Variants in RAD54L2 observed in about 807,000 individuals in gnomAD.
RAD54L2 encodes the protein helicase ARIP4.
Under a neutral mutation model 138.4 loss-of-function variants are expected in RAD54L2, and 27 were observed. The ratio of observed to expected loss-of-function variants is 0.20; its 90% CI spans 0.14 to 0.27. The LOEUF is 0.27. Among genes scored for constraint, RAD54L2 ranks in the 10% least tolerant of loss-of-function variants. The pLI, the probability that RAD54L2 is intolerant of heterozygous loss-of-function variation, is 1.00. For synonymous variants in RAD54L2, 644 were observed against 723.2 expected, an observed-to-expected ratio of 0.89 and a Z score of 1.76; for missense variants, 1,396 against 1,890.2, an observed-to-expected ratio of 0.74 and a Z score of 4.85.
Position 51,657,647 on chromosome 3 carries a change from C to A in RAD54L2, c.3294C>A (p.Ile1098=). 1 of 1,576,892 alleles carries A rather than the reference C, an allele frequency of 6.3e-7. No individual in the cohort carries two copies. Among genetic ancestry groups the A allele is most frequent in the South Asian group, 1.2e-5 (1 of 86,118 alleles). The change falls in exon 21 of 23, where the codon ATC becomes ATA. Residue 1098 remains isoleucine (I), a synonymous_variant. Coordinates refer to ENST00000684192, the MANE Select transcript of RAD54L2 (RefSeq NM_015106.4). ...VQARINAGES[I]HIIRGTKGTY... is the part of the protein sequence containing the mutation. Reference sequence around the variant, plus strand: ...CAAGAATTAATGCTGGTGAGAGCATCCACATCATCCGTGGGACAAAAGGTA... The same window carrying A: ...CAAGAATTAATGCTGGTGAGAGCATACACATCATCCGTGGGACAAAAGGTA...
At chr3:51,586,006 A>G (rs1559626005) in intron 2 of RAD54L2, among the ~76,000 whole-genome samples, 1 of 151,690 alleles carries the variant, frequency 6.6e-6, no homozygotes, top group Non-Finnish European at 1.5e-5. Context: ...TATTTTCTTT[A>G]TCACCACCCC....
chr3:51,567,005 C>G (rs766948293), intron 2 of RAD54L2, among the ~76,000 whole-genome samples: 19 of 152,152 alleles, frequency 1.2e-4, no homozygotes, highest in Non-Finnish European at 2.6e-4. Flanking sequence ...TTTACTCTTT[C>G]ATGAGATTGT....
intron 3 of RAD54L2, among the ~76,000 whole-genome samples, chr3:51,593,301 C>A (rs1699878784): frequency 6.6e-6 from 1 of 151,428 alleles, no homozygotes; most frequent in Non-Finnish European, 1.5e-5. Flanking sequence ...GAAACCATTT[C>A]ACAAAAGAAA....
intron 19 of RAD54L2, among the ~76,000 whole-genome samples, chr3:51,647,956 T>C (rs1418108133): frequency 6.6e-6 from 1 of 152,124 alleles, no homozygotes; most frequent in Non-Finnish European, 1.5e-5. Context: ...AGACAATGGG[T>C]GCAGCCCACA....
chr3:51,637,545 G>T lies in RAD54L2; in HGVS notation c.1682+42G>T. ...GTCCTGCTTCCTGAATTTTCAGAGG[G>T]CCCTGTTGCCAAGGGCATGCCAAAC... On this transcript the variant is annotated intron_variant, in intron 11 of 22. Transcript: ENST00000684192. This position sits in a 1 kb window ranked among gnomAD's most constrained non-coding sequence, Gnocchi z 5.9. 1 of 1,557,980 alleles carries T rather than the reference G, an allele frequency of 6.4e-7. No homozygotes were observed. Among genetic ancestry groups the T allele is most frequent in the Non-Finnish European group, 8.7e-7 (1 of 1,147,338 alleles).
At chr3:51,613,233 G>A (rs188077610) in intron 3 of RAD54L2, among the ~76,000 whole-genome samples, 162 of 151,892 alleles carry the variant, frequency 1.1e-3, no homozygotes, top group African/African-American at 3.8e-3. Context: ...CACCACGCCC[G>A]GCCCCACGCA....
intron 3 of RAD54L2, among the ~76,000 whole-genome samples, chr3:51,626,664 C>T (rs967928777): frequency 6.6e-6 from 1 of 151,448 alleles, no homozygotes; most frequent in Non-Finnish European, 1.5e-5. Flanking sequence ...AGGCTGGTCT[C>T]GAACTCCTGA....
At chr3:51,617,740 G>A (rs773112744) in intron 3 of RAD54L2, among the ~76,000 whole-genome samples, 2 of 152,126 alleles carry the variant, frequency 1.3e-5, no homozygotes, top group African/African-American at 4.8e-5. Flanking sequence ...GCCAGGTGTG[G>A]TAGTGCTTGC....
At chr3:51,545,624 A>C (rs1666269935) in intron 2 of RAD54L2, among the ~76,000 whole-genome samples, 1 of 151,912 alleles carries the variant, frequency 6.6e-6, no homozygotes, top group Admixed American at 6.6e-5. Context: ...CACCCATGCT[A>C]GAGTAAGTAC....
chr3:51,626,348 A>G (rs1700681763), intron 3 of RAD54L2, among the ~76,000 whole-genome samples: 1 of 149,716 alleles, frequency 6.7e-6, no homozygotes, highest in Admixed American at 6.7e-5. Context: ...GGCTGAGGAC[A>G]GGGGTATGCA....
In RAD54L2 at chr3:51,668,068, T is replaced by TGTGTGTGTGTGTGTGTGA. The variant is rs1490078234; in HGVS notation, c.*4665_*4682dup. ...CCTGGAAGAGAGCTCAGCCCAGCTG[T>TGTGTGTGTGTGTGTGTGA]GTGTGTGTGTGTGTGTGAGTGTGTG... is the stretch of plus-strand genomic sequence containing the variant. On this transcript the variant is annotated 3_prime_UTR_variant, in exon 23 of 23. Transcript: ENST00000684192. 6.7e-6 allele frequency: 1 copy of TGTGTGTGTGTGTGTGTGA among 150,030 alleles called. No individual in the cohort carries two copies. Among genetic ancestry groups the TGTGTGTGTGTGTGTGTGA allele is most frequent in the East Asian group, 1.9e-4 (1 of 5,158 alleles). 9.3% of individuals were successfully genotyped at this position (150,030 alleles called of 1,614,324 possible).
intron 13 of RAD54L2, 22 bp from the exon 14 acceptor site, chr3:51,639,859 C>A: frequency 6.4e-7 from 1 of 1,557,206 alleles, no homozygotes; most frequent in Non-Finnish European, 8.8e-7. Flanking sequence ...CTGCTCTAAG[C>A]TGCCTTGTTT....
intron 3 of RAD54L2, among the ~76,000 whole-genome samples, chr3:51,625,568 A>G (rs1431364267): frequency 6.6e-6 from 1 of 152,172 alleles, no homozygotes; most frequent in Non-Finnish European, 1.5e-5. Context: ...CATTAAAATT[A>G]GTGGGTGAGG....
chr3:51,582,911 G>T (rs1577402750), intron 2 of RAD54L2, among the ~76,000 whole-genome samples: 1 of 151,922 alleles, frequency 6.6e-6, no homozygotes, highest in South Asian at 2.1e-4. Flanking sequence ...GACTACAGGC[G>T]CCCGCCACCG....
rs1169939947 is a variant in RAD54L2 at position 51,666,174 on chromosome 3, C to CTTTTTTTTTTTTTTT, written c.*2775_*2789dup. 5.1e-5 allele frequency: 3 copies of CTTTTTTTTTTTTTTT among 58,710 alleles called. No homozygotes were observed. Among genetic ancestry groups the CTTTTTTTTTTTTTTT allele is most frequent in the African/African-American group, 8.4e-5 (1 of 11,842 alleles). 3.6% of individuals were successfully genotyped at this position (58,710 alleles called of 1,614,324 possible). A position where few individuals can be genotyped will look rare whatever the true frequency, so the allele number is the denominator to read the frequency against. On this transcript the variant is annotated 3_prime_UTR_variant, in exon 23 of 23. Coordinates refer to ENST00000684192, the MANE Select transcript of RAD54L2 (RefSeq NM_015106.4). ...AGTGCTACCAGGTCCATGGTTTTTG[C>CTTTTTTTTTTTTTTT]TTTTTTTTTTTTTTTTTTTTTTTTT...
chr3:51,577,420 G>A (rs563467592), intron 2 of RAD54L2, among the ~76,000 whole-genome samples: 7 of 152,190 alleles, frequency 4.6e-5, no homozygotes, highest in South Asian at 2.1e-4. Flanking sequence ...CTGTCTCGTC[G>A]ATCTGTCTAA....
chr3:51,562,035 A>AT (rs111227414), intron 2 of RAD54L2, among the ~76,000 whole-genome samples: 29 of 137,664 alleles, frequency 2.1e-4, no homozygotes, highest in Non-Finnish European at 1.9e-4. Context: ...TGCCCAGTTA[A>AT]TTTTTTTTTT....
At chr3:51,583,723 G>A (rs967126060) in intron 2 of RAD54L2, among the ~76,000 whole-genome samples, 1 of 151,638 alleles carries the variant, frequency 6.6e-6, no homozygotes. Context: ...CACCACGCCC[G>A]GCCGACAAGT....
chr3:51,608,193 C>A (rs1444334613), intron 3 of RAD54L2, among the ~76,000 whole-genome samples: 2 of 132,852 alleles, frequency 1.5e-5, no homozygotes, highest in African/African-American at 5.8e-5. Flanking sequence ...CACACGGGGT[C>A]GCGGCCGGGC....
Sources: gnomAD v4.1 joint callset for allele counts (sites outside exome capture counted in the v4.1 genomes callset) on GRCh38, gnomAD v4.1.1 for gene constraint, Gnocchi (gnomAD v3.1) non-coding constraint, MANE v1.5 for transcripts, NCBI Gene and HGNC (gene_info 2026-07-23, HGNC 2026-07-21) for gene names.